ARHGAP22: variants seen among roughly 807,000 people sequenced by gnomAD.
ARHGAP22 encodes the protein rho GTPase-activating protein 22.
In ARHGAP22, 48 loss-of-function variants were observed where a neutral mutation model predicts 59.1. The observed-to-expected ratio is 0.81, with a 90% CI of 0.64 to 1.03. The LOEUF (loss-of-function observed/expected upper bound fraction) is 1.03. Among genes scored for constraint, ARHGAP22 ranks in the 50% least tolerant of loss-of-function variants. The pLI, the probability that ARHGAP22 is intolerant of heterozygous loss-of-function variation, is 0.00. For missense variants in ARHGAP22, 1,015 were observed against 958.7 expected, an observed-to-expected ratio of 1.06 and a Z score of -0.78; for synonymous variants, 445 against 416.4, an observed-to-expected ratio of 1.07 and a Z score of -0.84.
At chr10:48,464,885 C>T (rs1266778127) in intron 4 of ARHGAP22, among the ~76,000 whole-genome samples, 1 of 152,198 alleles carries the variant, frequency 6.6e-6, no homozygotes, top group Non-Finnish European at 1.5e-5. Context: ...CCCACATTCC[C>T]AGCTGGCCAC....
intron 4 of ARHGAP22, among the ~76,000 whole-genome samples, chr10:48,468,420 C>T (rs2047921142): frequency 6.6e-6 from 1 of 152,176 alleles, no homozygotes; most frequent in Non-Finnish European, 1.5e-5. Flanking sequence ...GGGGGCAGGA[C>T]AGAGGCAGAG....
upstream of ARHGAP22, among the ~76,000 whole-genome samples, chr10:48,607,006 G>A (rs755918385): frequency 2.0e-5 from 3 of 152,136 alleles, no homozygotes; most frequent in Non-Finnish European, 4.4e-5. Flanking sequence ...TTGGGACAGG[G>A]GCCACCCATG....
At chr10:48,558,556 G>A (rs61841203) in intron 2 of ARHGAP22, among the ~76,000 whole-genome samples, 1 of 151,962 alleles carries the variant, frequency 6.6e-6, no homozygotes, top group South Asian at 2.1e-4. Flanking sequence ...CAGTAGAAAC[G>A]GGGTTTCCCT....
chr10:48,638,309 C>T (rs1277079527), intron 1 of ARHGAP22, among the ~76,000 whole-genome samples: 1 of 152,150 alleles, frequency 6.6e-6, no homozygotes, highest in Non-Finnish European at 1.5e-5. Flanking sequence ...ATCACCTCAT[C>T]AGTGTGAAGC....
At chr10:48,633,309 G>A (rs1290469304) in intron 1 of ARHGAP22, among the ~76,000 whole-genome samples, 1 of 152,236 alleles carries the variant, frequency 6.6e-6, no homozygotes. Flanking sequence ...GTGACTGCAT[G>A]CTGGAGAAGT....
chr10:48,446,962 T>C (rs770673848), intron 9 of ARHGAP22, among the ~76,000 whole-genome samples: 3 of 152,026 alleles, frequency 2.0e-5, no homozygotes, highest in East Asian at 1.9e-4. Flanking sequence ...ATGGGGAGGG[T>C]TGGGACTCGG....
chr10:48,610,534 C>A (rs533305916), intron 1 of ARHGAP22, among the ~76,000 whole-genome samples: 2 of 152,324 alleles, frequency 1.3e-5, no homozygotes, highest in African/African-American at 4.8e-5. Context: ...TCACCTTTAA[C>A]TTTGCAACAG....
chr10:48,560,150 T>C (rs2057592352), intron 2 of ARHGAP22, among the ~76,000 whole-genome samples: 1 of 152,230 alleles, frequency 6.6e-6, no homozygotes, highest in Non-Finnish European at 1.5e-5. Context: ...AACTTAATTA[T>C]TCTATTTCAA....
At chr10:48,578,216 G>C (rs1186002731) in intron 2 of ARHGAP22, among the ~76,000 whole-genome samples, 5 of 152,088 alleles carry the variant, frequency 3.3e-5, no homozygotes, top group Admixed American at 2.6e-4. Context: ...AAGTCTTTGA[G>C]GGGTTTTGTT....
At chr10:48,591,225 A>C (rs1444407285) in intron 1 of ARHGAP22, among the ~76,000 whole-genome samples, 1 of 152,194 alleles carries the variant, frequency 6.6e-6, no homozygotes, top group Admixed American at 6.5e-5. Context: ...CCTGAGATGA[A>C]AACACGTTAA....
chr10:48,654,842 C>A (rs1430359739), upstream of ARHGAP22, among the ~76,000 whole-genome samples: 2 of 140,000 alleles, frequency 1.4e-5, no homozygotes, highest in Non-Finnish European at 3.1e-5. Context: ...TCCTTCCTTC[C>A]TCTCTCTTTT....
At chr10:48,594,164 TCTGC>T (rs2059930975) in intron 1 of ARHGAP22, among the ~76,000 whole-genome samples, 1 of 152,172 alleles carries the variant, frequency 6.6e-6, no homozygotes, top group Admixed American at 6.5e-5. Flanking sequence ...GGTCAGAGCC[TCTGC>T]CTGCATGGAG....
At chr10:48,446,971 G>A (rs1166061640) in intron 9 of ARHGAP22, among the ~76,000 whole-genome samples, 1 of 152,126 alleles carries the variant, frequency 6.6e-6, no homozygotes, top group African/African-American at 2.4e-5. Flanking sequence ...GTTGGGACTC[G>A]GACTGTCCCC....
chr10:48,521,285 A>T (rs998850384), intron 3 of ARHGAP22, among the ~76,000 whole-genome samples: 2 of 152,126 alleles, frequency 1.3e-5, no homozygotes, highest in Non-Finnish European at 2.9e-5. Flanking sequence ...TCCCGGACCC[A>T]CTGTGCCCAC....
upstream of ARHGAP22, chr10:48,605,126 C>A: frequency 8.3e-7 from 1 of 1,208,788 alleles, no homozygotes; most frequent in Non-Finnish European, 1.0e-6. Context: ...CGTGGCTGTC[C>A]AAGCTGAGCG....
chr10:48,461,869 G>A (rs2047165549), intron 4 of ARHGAP22, among the ~76,000 whole-genome samples: 1 of 152,190 alleles, frequency 6.6e-6, no homozygotes, highest in Non-Finnish European at 1.5e-5. Context: ...TGGGCACTGA[G>A]CCAGCTAAAA....
At chr10:48,581,855 C>T (rs2059140670) in intron 2 of ARHGAP22, among the ~76,000 whole-genome samples, 1 of 152,158 alleles carries the variant, frequency 6.6e-6, no homozygotes, top group African/African-American at 2.4e-5. Context: ...AGAACGAAGA[C>T]AGAAAGTTAT....
upstream of ARHGAP22, among the ~76,000 whole-genome samples, chr10:48,654,957 C>CCT (rs148386336): frequency 7.7e-5 from 8 of 103,724 alleles, no homozygotes; most frequent in African/African-American, 1.6e-4. Flanking sequence ...TTCTCTCTTT[C>CCT]TCCTTCCTTC....
At chr10:48,501,193 T>G (rs959310275) in intron 3 of ARHGAP22, among the ~76,000 whole-genome samples, 1 of 152,230 alleles carries the variant, frequency 6.6e-6, no homozygotes, top group Non-Finnish European at 1.5e-5. Flanking sequence ...ATGTACAAAG[T>G]ATCTCTGGAC....
Sources: gnomAD v4.1 joint callset for allele counts (sites outside exome capture counted in the v4.1 genomes callset) on GRCh38, gnomAD v4.1.1 for gene constraint, MANE v1.5 for transcripts, NCBI Gene and HGNC (gene_info 2026-07-23, HGNC 2026-07-21) for gene names.